The following SEMA3A variants were observed in gnomAD, a reference collection of about 807,000 sequenced individuals.
SEMA3A encodes the protein semaphorin-3A.
Under a neutral mutation model 97.9 loss-of-function variants are expected in SEMA3A, and 29 were observed. The ratio of observed to expected loss-of-function variants is 0.30; its 90% CI spans 0.22 to 0.40. The LOEUF (loss-of-function observed/expected upper bound fraction) is 0.40. Among genes scored for constraint, SEMA3A ranks in the 10% least tolerant of loss-of-function variants. The pLI is 1.00. For missense variants in SEMA3A, 763 were observed against 951.3 expected, an observed-to-expected ratio of 0.80 and a Z score of 2.60; for synonymous variants, 321 against 323.7, an observed-to-expected ratio of 0.99 and a Z score of 0.09.
At chr7:84,232,112 T>C (rs370894968) in intron 3 of SEMA3A, among the ~76,000 whole-genome samples, 1 of 151,508 alleles carries the variant, frequency 6.6e-6, no homozygotes. Context: ...AATGTTTAAA[T>C]AGTAATTCAA....
At chr7:84,467,304 C>A (rs1433087948) in intron 1 of SEMA3A, among the ~76,000 whole-genome samples, 1 of 151,868 alleles carries the variant, frequency 6.6e-6, no homozygotes, top group African/African-American at 2.4e-5. Flanking sequence ...GAGTGGATCA[C>A]GAGGTCAGGA....
intron 1 of SEMA3A, among the ~76,000 whole-genome samples, chr7:84,147,602 A>C (rs1422432499): frequency 1.3e-5 from 2 of 152,208 alleles, no homozygotes; most frequent in Non-Finnish European, 2.9e-5. Context: ...GGCTGGCGGC[A>C]GAAATTACCT....
At chr7:84,339,222 T>C (rs1802106652) in intron 2 of SEMA3A, among the ~76,000 whole-genome samples, 2 of 152,106 alleles carry the variant, frequency 1.3e-5, no homozygotes, top group South Asian at 4.1e-4. Context: ...AAAAGATGTA[T>C]AATCCTAACA....
At chr7:84,198,034 C>T (rs1798276895), upstream of SEMA3A, among the ~76,000 whole-genome samples, 1 of 152,222 alleles carries the variant, frequency 6.6e-6, no homozygotes, top group South Asian at 2.1e-4. Context: ...GCCCCCGAGC[C>T]CGGCCAGATC....
intron 4 of SEMA3A, among the ~76,000 whole-genome samples, chr7:84,100,698 T>A (rs959188717): frequency 1.3e-5 from 2 of 152,168 alleles, no homozygotes; most frequent in African/African-American, 4.8e-5. Flanking sequence ...GAAAAAATGT[T>A]CCTAGGTTTT....
At chr7:84,111,879 T>C (rs1390702040) in intron 3 of SEMA3A, among the ~76,000 whole-genome samples, 1 of 152,136 alleles carries the variant, frequency 6.6e-6, no homozygotes, top group Admixed American at 6.6e-5. Flanking sequence ...GTGGATCTCA[T>C]CCATGTTTCA....
chr7:84,426,528 T>C (rs953062364), intron 1 of SEMA3A, among the ~76,000 whole-genome samples: 3 of 152,100 alleles, frequency 2.0e-5, no homozygotes. Context: ...CCTGAATCTG[T>C]TCTTCTGCCT....
chr7:84,411,567 T>TTATATATA (rs60469024), intron 1 of SEMA3A, among the ~76,000 whole-genome samples: 3,587 of 149,194 alleles, frequency 0.024, 140 homozygotes, highest in African/African-American at 0.082. Context: ...TTGGGTATAA[T>TTATATATA]TATATATATA....
intron 15 of SEMA3A, among the ~76,000 whole-genome samples, chr7:83,971,456 CTATT>C (rs1278095787): frequency 6.6e-6 from 1 of 150,428 alleles, no homozygotes; most frequent in Non-Finnish European, 1.5e-5. Context: ...ACCTAACAAA[CTATT>C]TAATAATATC....
chr7:84,224,954 G>GC (rs150080765), intron 3 of SEMA3A, among the ~76,000 whole-genome samples: 4,085 of 151,992 alleles, frequency 0.027, 195 homozygotes, highest in African/African-American at 0.094. Flanking sequence ...CTGCTTTATA[G>GC]CCCCCCCTAG....
intron 1 of SEMA3A, among the ~76,000 whole-genome samples, chr7:84,154,092 A>G (rs1796760864): frequency 6.6e-6 from 1 of 152,130 alleles, no homozygotes; most frequent in Non-Finnish European, 1.5e-5. Context: ...ACATTTTCTT[A>G]TAGAAATCTT....
chr7:84,244,224 T>G (rs1799429995), intron 3 of SEMA3A, among the ~76,000 whole-genome samples: 1 of 152,322 alleles, frequency 6.6e-6, no homozygotes, highest in South Asian at 2.1e-4. Flanking sequence ...TGTAGGAGTC[T>G]AAGTCTCTTT....
rs150445380 is a variant in SEMA3A, at chr7:84,005,393, C to T, written c.1306G>A (p.Val436Ile). 39 of 1,613,810 alleles carry T rather than the reference C, an allele frequency of 2.4e-5. No homozygotes were observed. The highest frequency in any genetic ancestry group is 1.1e-4 in the East Asian group (5 of 44,830). ...DVNYQFTQIV[V>I]DRVDAEDGQY... ...CCATCTTCTGCATCCACTCGGTCTA[C>T]GACAATTTGTGTAAATTGATAATTT... The change falls in exon 11 of 17, where the codon GTA (valine) becomes ATA (isoleucine). Residue 436 changes from valine to isoleucine, a missense_variant. Coordinates refer to ENST00000265362, the MANE Select transcript of SEMA3A (RefSeq NM_006080.3).
chr7:84,404,339 A>T (rs1177070034), intron 1 of SEMA3A, among the ~76,000 whole-genome samples: 1 of 152,212 alleles, frequency 6.6e-6, no homozygotes, highest in African/African-American at 2.4e-5. Context: ...AGAGAAGTTT[A>T]GAAAAAAAAG....
chr7:84,050,663 T>A (rs980195482), intron 5 of SEMA3A, among the ~76,000 whole-genome samples: 1 of 152,184 alleles, frequency 6.6e-6, no homozygotes, highest in African/African-American at 2.4e-5. Context: ...GTAGGTTGCC[T>A]GTTCACTCTG....
At chr7:84,345,772 G>A (rs1038582035) in intron 2 of SEMA3A, among the ~76,000 whole-genome samples, 8 of 152,034 alleles carry the variant, frequency 5.3e-5, no homozygotes, top group Non-Finnish European at 1.0e-4. Context: ...CTTGCTCCAC[G>A]GAAGTCTTCA....
intron 1 of SEMA3A, among the ~76,000 whole-genome samples, chr7:84,484,433 A>C (rs1806523948): frequency 6.6e-6 from 1 of 152,116 alleles, no homozygotes; most frequent in South Asian, 2.1e-4. Flanking sequence ...TATTTAAACA[A>C]AATAAAAATT....
chr7:84,468,089 T>C (rs1433611116), intron 1 of SEMA3A, among the ~76,000 whole-genome samples: 2 of 152,164 alleles, frequency 1.3e-5, no homozygotes, highest in Non-Finnish European at 2.9e-5. Flanking sequence ...TTGGAAATAA[T>C]CTAGTCCAAC....
In SEMA3A at chr7:84,163,758, A is replaced by AT. The variant is rs1277390671; in HGVS notation, c.113-28808dup. ...TTCACGATCCGCTTCCAATTAAGTC[A>AT]TTTTTTTTCCATTGGCCAATATTTA... On this transcript the variant is annotated intron_variant, in intron 1 of 16. Transcript: ENST00000265362. Among the ~76,000 whole-genome samples, 448 of 151,626 alleles carry AT rather than the reference A, an allele frequency of 3.0e-3. 2 individuals carry two copies. The highest frequency in any genetic ancestry group is 0.01 in the African/African-American group (424 of 41,296).
Sources: gnomAD v4.1 joint callset for allele counts (sites outside exome capture counted in the v4.1 genomes callset) on GRCh38, gnomAD v4.1.1 for gene constraint, MANE v1.5 for transcripts, NCBI Gene and HGNC (gene_info 2026-07-23, HGNC 2026-07-21) for gene names.